DOCK10: variants seen among roughly 807,000 people sequenced by gnomAD.
DOCK10 encodes dedicator of cytokinesis 10, also known as dedicator of cytokinesis protein 10.
DOCK10 carries 145 observed loss-of-function variants against 280.1 expected under a neutral mutation model. That is an observed-to-expected ratio of 0.52 (90% CI 0.45 to 0.59). DOCK10 has a LOEUF of 0.59. DOCK10 is among the 20% of genes least tolerant of loss of function. DOCK10 has a pLI of 0.00. For synonymous variants in DOCK10, 915 were observed against 942.2 expected (o/e 0.97, Z 0.53); for missense variants, 2,368 against 2,651.7 (o/e 0.89, Z 2.35).
Position 224,951,777 on chromosome 2 carries a change from T to A in DOCK10, c.124-20109A>T, listed in dbSNP as rs537746504. Among the ~76,000 whole-genome samples the A allele has an allele frequency of 1.5e-4, 23 of 152,220 alleles. No individual in the cohort carries two copies. In the South Asian group the frequency reaches 4.8e-3, roughly 32 times the overall value. On this transcript the variant is annotated intron_variant, in intron 1 of 55. Coordinates refer to ENST00000258390, the MANE Select transcript of DOCK10 (RefSeq NM_014689.3). ...CAGGGTGGTATCTCTTTCTGGAGGC[T>A]CCAGGGGAGAAGCTGTCTTCAGGCA... is the stretch of plus-strand genomic sequence containing the variant.
At chr2:224,906,402 T>G (rs1700637594) in intron 3 of DOCK10, among the ~76,000 whole-genome samples, 1 of 152,224 alleles carries the variant, frequency 6.6e-6, no homozygotes, top group South Asian at 2.1e-4. Flanking sequence ...GACCAATCCA[T>G]ACTCTGGTAT....
intron 3 of DOCK10, among the ~76,000 whole-genome samples, chr2:224,907,529 T>A (rs1158229203): frequency 6.6e-6 from 1 of 151,820 alleles, no homozygotes; most frequent in East Asian, 1.9e-4. Context: ...CTACTAAAAA[T>A]ACAAAAAAAT....
intron 2 of DOCK10, among the ~76,000 whole-genome samples, chr2:224,927,047 T>A (rs910041017): frequency 6.6e-6 from 1 of 152,174 alleles, no homozygotes; most frequent in African/African-American, 2.4e-5. Flanking sequence ...GGTGGGGTCA[T>A]GTTATAAAGT....
chr2:224,851,588 G>A (rs943981106), intron 18 of DOCK10, among the ~76,000 whole-genome samples: 1 of 151,946 alleles, frequency 6.6e-6, no homozygotes, highest in Admixed American at 6.5e-5. Flanking sequence ...ACCAGGCAGA[G>A]TGCTTTAAGA....
intron 4 of DOCK10, among the ~76,000 whole-genome samples, chr2:224,891,415 T>A (rs10167560): frequency 0.18 from 26,916 of 152,100 alleles, 3,935 homozygotes; most frequent in African/African-American, 0.41. Flanking sequence ...GATTTTTCCC[T>A]GATATTTTTG....
At chr2:225,030,146 TAAAA>T (rs75138059) in intron 1 of DOCK10, among the ~76,000 whole-genome samples, 1 of 119,292 alleles carries the variant, frequency 8.4e-6, no homozygotes, top group African/African-American at 3.0e-5. Flanking sequence ...ACTCTGTCTT[TAAAA>T]AAAAAAAAAA....
intron 2 of DOCK10, among the ~76,000 whole-genome samples, chr2:224,918,753 AGT>A (rs1354999421): frequency 2.0e-5 from 3 of 148,996 alleles, no homozygotes; most frequent in Non-Finnish European, 4.4e-5. Context: ...TGTATACATG[AGT>A]GTGTCGCATT....
intron 27 of DOCK10, among the ~76,000 whole-genome samples, chr2:224,829,627 T>C (rs1336190684): frequency 6.6e-6 from 1 of 152,102 alleles, no homozygotes; most frequent in Non-Finnish European, 1.5e-5. Flanking sequence ...CCTCACTCCA[T>C]TGTAACTGTG....
intron 14 of DOCK10, chr2:224,861,925 G>A (rs1559590204): frequency 6.6e-6 from 1 of 152,158 alleles, no homozygotes; most frequent in Non-Finnish European, 1.5e-5. Context: ...AGTTCATTCA[G>A]TGTGTACATT....
At chr2:224,850,666 A>T (rs1467064563) in intron 18 of DOCK10, among the ~76,000 whole-genome samples, 1 of 152,086 alleles carries the variant, frequency 6.6e-6, no homozygotes, top group Non-Finnish European at 1.5e-5. Flanking sequence ...TAATCCCGAC[A>T]TGCCAAGGAG....
rs1040598936 is a variant in DOCK10, at chr2:224,952,353, C to T, written c.124-20685G>A. Among the ~76,000 whole-genome samples, 48 of 152,006 alleles carry T rather than the reference C, an allele frequency of 3.2e-4. 1 individual carries two copies. Among genetic ancestry groups the T allele is most frequent in the Admixed American group, 1.1e-3 (17 of 15,264 alleles). On this transcript the variant is annotated intron_variant, in intron 1 of 55. Coordinates refer to ENST00000258390, the MANE Select transcript of DOCK10 (RefSeq NM_014689.3). The stretch of plus-strand genomic sequence containing the variant: ...TGTGGTTTCCACTGACCACTGAGAT[C>T]CAGGTTGCAATGGGACTAAGAAATG...
intron 1 of DOCK10, among the ~76,000 whole-genome samples, chr2:225,028,990 C>T (rs1292540372): frequency 2.0e-5 from 3 of 152,068 alleles, no homozygotes; most frequent in Non-Finnish European, 4.4e-5. Context: ...TACTGGACAG[C>T]CCCATGGAAA....
chr2:224,987,383 A>G (rs1309706691), intron 1 of DOCK10, among the ~76,000 whole-genome samples: 2 of 152,234 alleles, frequency 1.3e-5, no homozygotes, highest in Non-Finnish European at 2.9e-5. Flanking sequence ...TCTAGAAAGT[A>G]GGGGCTGAAT....
At chr2:225,032,303 T>C (rs890760455) in intron 1 of DOCK10, among the ~76,000 whole-genome samples, 24 of 152,156 alleles carry the variant, frequency 1.6e-4, no homozygotes, top group African/African-American at 5.8e-4. Context: ...AAAAGATACA[T>C]TTTTCAAATT....
chr2:224,874,681 G>GT lies in DOCK10; in HGVS notation c.1001dup (p.His334GlnfsTer47). On this transcript the variant is annotated frameshift_variant, in exon 9 of 56. Coordinates refer to ENST00000258390, the MANE Select transcript of DOCK10 (RefSeq NM_014689.3). LOFTEE classifies it high-confidence loss of function. ...ACTTTATTACCTTTGCAAAGTCTGC[G>GT]TGTAGGTTGTTCTCTGAAGAATCTG... 6.2e-7 allele frequency: 1 copy of GT among 1,613,826 alleles called. No individual in the cohort carries two copies. Among genetic ancestry groups the GT allele is most frequent in the Non-Finnish European group, 8.5e-7 (1 of 1,179,778 alleles).
rs1330163404 is a variant in DOCK10, at chr2:224,770,618, G to C, written c.6232C>G (p.Arg2078Gly). The change falls in exon 54 of 56, where the codon CGA becomes GGA. Residue 2078 changes from arginine to glycine, a missense_variant. Arg to Gly is a moderately radical substitution (Grantham distance 125). Around this residue, in one of 2 missense-constraint regions of DOCK10, gnomAD observed 1,159 missense variants for 1,400.8 expected, o/e 0.83. Transcript: ENST00000258390. This position sits in a 1 kb window ranked among gnomAD's most constrained non-coding sequence, Gnocchi z 4.5. ...KVNAGPMAYARAFLEETNAKK... is the reference protein window; with the variant it reads ...KVNAGPMAYAGAFLEETNAKK... ...GCATTGGTTTCTTCAAGAAAAGCTC[G>C]TGCATAGGCCATTGGCCCAGCATTA... 2 of 1,613,876 alleles carry C rather than the reference G, an allele frequency of 1.2e-6. No homozygotes were observed. Among genetic ancestry groups the C allele is most frequent in the African/African-American group, 2.7e-5 (2 of 75,058 alleles).
chr2:224,921,134 T>TATATAA lies in DOCK10; in HGVS notation c.244-4351_244-4350insTTATAT, dbSNP rs1210407698. Among the ~76,000 whole-genome samples the TATATAA allele has an allele frequency of 1.3e-4, 14 of 109,168 alleles. 1 individual carries two copies. The highest frequency in any genetic ancestry group is 6.0e-4 in the African/African-American group (14 of 23,304). 71.6% of individuals were successfully genotyped at this position (109,168 alleles called of 152,430 possible). On this transcript the variant is annotated intron_variant, in intron 2 of 55. Coordinates refer to ENST00000258390, the MANE Select transcript of DOCK10 (RefSeq NM_014689.3). ...AAAAATATATATATATATATATATA[T>TATATAA]AATGTATATACACAAAAAATAGCCG...
chr2:224,992,503 A>G (rs1706157411), intron 1 of DOCK10, among the ~76,000 whole-genome samples: 2 of 152,270 alleles, frequency 1.3e-5, no homozygotes, highest in Admixed American at 6.5e-5. Context: ...GAAAGGAAAC[A>G]GGGACAACCA....
intron 1 of DOCK10, among the ~76,000 whole-genome samples, chr2:225,010,044 C>T (rs1689390920): frequency 6.6e-6 from 1 of 152,136 alleles, no homozygotes; most frequent in Admixed American, 6.6e-5. Flanking sequence ...GTTCTTCTGG[C>T]ATTGGCTGGG....
Sources: allele counts gnomAD v4.1 joint callset (sites outside exome capture counted in the v4.1 genomes callset), GRCh38; gene constraint gnomAD v4.1.1; regional missense constraint gnomAD v4.1.1; non-coding constraint Gnocchi (gnomAD v3.1); transcripts MANE v1.5; gene names NCBI Gene and HGNC (gene_info 2026-07-23, HGNC 2026-07-21).